The following VTI1A variants were observed in gnomAD, a reference collection of about 807,000 sequenced individuals.
The protein encoded by VTI1A is vesicle transport through interaction with t-SNAREs homolog 1A.
In VTI1A, 22 loss-of-function variants were observed where a neutral mutation model predicts 34.9. That is an observed-to-expected ratio of 0.63 (90% CI 0.45 to 0.90). The LOEUF (loss-of-function observed/expected upper bound fraction) is 0.90. Among genes scored for constraint, VTI1A ranks in the 40% least tolerant of loss-of-function variants. The pLI, the probability that VTI1A is intolerant of heterozygous loss-of-function variation, is 0.00. For synonymous variants in VTI1A, 87 were observed against 97.3 expected, an observed-to-expected ratio of 0.89 and a Z score of 0.62; for missense variants, 268 against 275.6, an observed-to-expected ratio of 0.97 and a Z score of 0.20.
chr10:112,622,009 CAG>C (rs371587005), intron 5 of VTI1A, among the ~76,000 whole-genome samples: 33 of 149,644 alleles, frequency 2.2e-4, no homozygotes, highest in Admixed American at 4.0e-4. Flanking sequence ...AAGAAGGAGA[CAG>C]AGAGAGAGAG....
intron 3 of VTI1A, among the ~76,000 whole-genome samples, chr10:112,488,971 T>A (rs1848733900): frequency 1.3e-5 from 2 of 152,236 alleles, no homozygotes; most frequent in Non-Finnish European, 2.9e-5. Flanking sequence ...AACTTTGGCC[T>A]CTTAGCTCGC....
the VTI1A span, chr10:112,826,083 T>C: frequency 6.6e-6 from 1 of 152,180 alleles, no homozygotes; most frequent in African/African-American, 2.4e-5. Context: ...TTTCGTTTTG[T>C]AGTGGGTCCT....
At chr10:112,678,386 C>T (rs1848101411) in intron 7 of VTI1A, among the ~76,000 whole-genome samples, 1 of 152,044 alleles carries the variant, frequency 6.6e-6, no homozygotes, top group Non-Finnish European at 1.5e-5. Context: ...AGCCCTTAGC[C>T]CCCCTTGTAA....
At chr10:112,750,617 C>G (rs796496256) in intron 7 of VTI1A, among the ~76,000 whole-genome samples, 2 of 152,278 alleles carry the variant, frequency 1.3e-5, no homozygotes, top group African/African-American at 2.4e-5. Flanking sequence ...TGAGCTGCCT[C>G]TCACCTAGGA....
At position 112,737,708 on chromosome 10, in the gene VTI1A, C is replaced by G. The variant is rs1850542268; in HGVS notation, c.560+68710C>G. The G allele has an allele frequency of 7.6e-6, 8 of 1,058,126 alleles. No homozygotes were observed. In the South Asian group the frequency reaches 3.2e-4, roughly 42 times the overall value. The allele number at this position is 1,058,126 out of a possible 1,614,324, so 65.5% of individuals were successfully genotyped here. ...GGATGACTGTCAAGGTCACTGAGACCTACAGTGATCTGGAAAATTAAAGCT... is the reference window on the plus strand; with the variant it reads ...GGATGACTGTCAAGGTCACTGAGACGTACAGTGATCTGGAAAATTAAAGCT... On this transcript the variant is annotated intron_variant, in intron 7 of 7. Transcript: ENST00000393077.
At chr10:112,572,842 C>CA (rs35922968) in intron 5 of VTI1A, among the ~76,000 whole-genome samples, 1,570 of 131,846 alleles carry the variant, frequency 0.012, 34 homozygotes, top group African/African-American at 0.039. Flanking sequence ...CCGTCTCAAC[C>CA]AAAAAAAAAA....
intron 7 of VTI1A, among the ~76,000 whole-genome samples, chr10:112,680,064 T>C (rs1360351203): frequency 6.6e-6 from 1 of 152,212 alleles, no homozygotes; most frequent in African/African-American, 2.4e-5. Flanking sequence ...TAAAGAACTG[T>C]GTCCAGTTTC....
intron 5 of VTI1A, among the ~76,000 whole-genome samples, chr10:112,610,812 G>A (rs1845274860): frequency 6.6e-6 from 1 of 152,130 alleles, no homozygotes; most frequent in Non-Finnish European, 1.5e-5. Context: ...CCAGCAACTC[G>A]GGAAGCTGAG....
At chr10:112,794,055 TCAAA>T (rs1387342416) in intron 7 of VTI1A, among the ~76,000 whole-genome samples, 1 of 152,130 alleles carries the variant, frequency 6.6e-6, no homozygotes, top group Non-Finnish European at 1.5e-5. Flanking sequence ...TCACCAGAAC[TCAAA>T]CAACCACAAA....
At chr10:112,650,802 C>T (rs745734819) in intron 5 of VTI1A, among the ~76,000 whole-genome samples, 2 of 152,152 alleles carry the variant, frequency 1.3e-5, no homozygotes, top group Non-Finnish European at 2.9e-5. Flanking sequence ...ACTGTATGTC[C>T]TCTCAGTGAA....
In VTI1A at chr10:112,767,831, A is replaced by G. The variant is rs1269488076; in HGVS notation, c.561-47459A>G. Among the ~76,000 whole-genome samples the G allele has an allele frequency of 2.6e-5, 4 of 152,212 alleles. No individual in the cohort carries two copies. Among genetic ancestry groups the G allele is most frequent in the African/African-American group, 9.6e-5 (4 of 41,454 alleles). The stretch of plus-strand genomic sequence containing the variant: ...CATGTAAGGCATGGTGAGATGATAT[A>G]AAGGCCAAAATGTTCTGGGCCCTTC... On this transcript the variant is annotated intron_variant, in intron 7 of 7. Transcript: ENST00000393077. The surrounding 1 kb of genome is among the most constrained non-coding windows in gnomAD (Gnocchi z 4.0).
chr10:112,476,016 A>G (rs1450162982), intron 3 of VTI1A, among the ~76,000 whole-genome samples: 2 of 152,234 alleles, frequency 1.3e-5, no homozygotes. Context: ...AAGCTAAATA[A>G]ATCCAATTCG....
chr10:112,848,139 T>G, the VTI1A span, among the ~76,000 whole-genome samples: 1 of 152,226 alleles, frequency 6.6e-6, no homozygotes, highest in Non-Finnish European at 1.5e-5. Flanking sequence ...GTCTTTTTGT[T>G]TCAACAGGCT....
chr10:112,561,724 A>G (rs1007086626), intron 5 of VTI1A, among the ~76,000 whole-genome samples: 40 of 152,176 alleles, frequency 2.6e-4, no homozygotes, highest in African/African-American at 7.2e-4. Context: ...GAACTCATAC[A>G]ACAAAATAGA....
intron 5 of VTI1A, among the ~76,000 whole-genome samples, chr10:112,605,551 G>A (rs1005353077): frequency 3.9e-5 from 6 of 152,200 alleles, no homozygotes; most frequent in Admixed American, 3.3e-4. Flanking sequence ...GAGGATCACC[G>A]CTCCCTCTCT....
At position 112,818,166 on chromosome 10, in the gene VTI1A, T is replaced by G; in HGVS notation, c.*2783T>G. 2 of 233,600 alleles carry G rather than the reference T, an allele frequency of 8.6e-6. No homozygotes were observed. Among genetic ancestry groups the G allele is most frequent in the Non-Finnish European group, 1.7e-5 (2 of 117,962 alleles). The allele number at this position is 233,600 out of a possible 1,614,324, so 14.5% of individuals were successfully genotyped here. On this transcript the variant is annotated 3_prime_UTR_variant, in exon 8 of 8. Coordinates refer to ENST00000393077, the MANE Select transcript of VTI1A (RefSeq NM_145206.4). ...AACCAGCTTGGTGGGGGGTTTGCTT[T>G]GCTACTGCTTCTGAGCCCTGAGCTT...
chr10:112,804,286 G>C (rs554165525), intron 7 of VTI1A, among the ~76,000 whole-genome samples: 1 of 152,204 alleles, frequency 6.6e-6, no homozygotes, highest in Non-Finnish European at 1.5e-5. Context: ...GGAACCAGAA[G>C]CCTGGCAGGC....
intron 3 of VTI1A, among the ~76,000 whole-genome samples, chr10:112,507,991 G>A (rs1398849034): frequency 2.6e-5 from 4 of 152,134 alleles, no homozygotes; most frequent in African/African-American, 9.7e-5. Context: ...TGTGTCATCA[G>A]CTTTCTGATA....
chr10:112,629,194 A>G (rs1488988958), intron 5 of VTI1A, among the ~76,000 whole-genome samples: 1 of 152,266 alleles, frequency 6.6e-6, no homozygotes, highest in African/African-American at 2.4e-5. Flanking sequence ...TCATGGCTGC[A>G]GGCAGAGCCT....
Sources: allele counts gnomAD v4.1 joint callset (sites outside exome capture counted in the v4.1 genomes callset), GRCh38; gene constraint gnomAD v4.1.1; non-coding constraint Gnocchi (gnomAD v3.1); transcripts MANE v1.5; gene names NCBI Gene and HGNC (gene_info 2026-07-23, HGNC 2026-07-21).